YES1: variants seen among roughly 807,000 people sequenced by gnomAD.
YES1 encodes tyrosine-protein kinase Yes.
Under a neutral mutation model 70.4 loss-of-function variants are expected in YES1, and 39 were observed. The ratio of observed to expected loss-of-function variants is 0.55; its 90% CI spans 0.43 to 0.72. YES1 has a LOEUF of 0.72. YES1 is among the 30% of genes least tolerant of loss of function. The pLI, the probability that YES1 is intolerant of heterozygous loss-of-function variation, is 0.00. For missense variants in YES1, 495 were observed against 644.8 expected (o/e 0.77, Z 2.52); for synonymous variants, 198 against 218.6 (o/e 0.91, Z 0.83).
chr18:751,118 G>A (rs746805246), intron 3 of YES1, among the ~76,000 whole-genome samples: 5 of 152,170 alleles, frequency 3.3e-5, no homozygotes, highest in Non-Finnish European at 7.4e-5. Context: ...ATGGATGGAA[G>A]AAAATACGAC....
intron 1 of YES1, among the ~76,000 whole-genome samples, chr18:793,091 G>A (rs926809520): frequency 2.0e-5 from 3 of 150,434 alleles, no homozygotes; most frequent in Non-Finnish European, 4.4e-5. Context: ...CCAGGCTGGA[G>A]TGCAGTGGTG....
At chr18:812,439 G>A (rs1907461672), upstream of YES1, 1 of 151,820 alleles carries the variant, frequency 6.6e-6, no homozygotes, top group Non-Finnish European at 1.5e-5. Context: ...CCGGCTCCGG[G>A]GCCCCCAGCC....
chr18:773,091 T>C (rs7232858), intron 1 of YES1, among the ~76,000 whole-genome samples: 31,078 of 152,210 alleles, frequency 0.2, 3,323 homozygotes, highest in East Asian at 0.32. Context: ...CCTAGATTGA[T>C]CTTGCTTTAA....
At chr18:753,719 C>G (rs1052915732) in intron 2 of YES1, among the ~76,000 whole-genome samples, 4 of 152,166 alleles carry the variant, frequency 2.6e-5, no homozygotes, top group African/African-American at 7.2e-5. Context: ...CTCCTGACCT[C>G]AAGTGATCTA....
rs2079981699 is a variant in YES1, at chr18:723,341, A to T, written c.*1083T>A. 1 of 152,658 alleles carries T rather than the reference A, an allele frequency of 6.6e-6. No homozygotes were observed. The highest frequency in any genetic ancestry group is 1.5e-5 in the Non-Finnish European group (1 of 68,050). 9.5% of individuals were successfully genotyped at this position (152,658 alleles called of 1,614,324 possible). ...GCCAGCAAAGCCATTCTGTCACTCC[A>T]TGACATCAACATTAAACATTACCTT... is the stretch of plus-strand genomic sequence containing the variant. On this transcript the variant is annotated 3_prime_UTR_variant, in exon 12 of 12. Transcript: ENST00000314574.
At chr18:804,242 C>T (rs1020839020) in intron 1 of YES1, among the ~76,000 whole-genome samples, 8 of 152,148 alleles carry the variant, frequency 5.3e-5, no homozygotes, top group East Asian at 1.9e-4. Context: ...CAAATAGCCA[C>T]GATTACTTGT....
chr18:784,204 TCATTA>T (rs753664381), intron 1 of YES1, among the ~76,000 whole-genome samples: 144 of 152,346 alleles, frequency 9.5e-4, no homozygotes, highest in Non-Finnish European at 1.3e-3. Context: ...ATTATTGTTT[TCATTA>T]CAAGTTTTCT....
In YES1 at chr18:746,229, A is replaced by C. The variant is rs114633786; in HGVS notation, c.471-178T>G. Among the ~76,000 whole-genome samples, 1,125 of 152,324 alleles carry C rather than the reference A, an allele frequency of 7.4e-3. 11 individuals carry two copies. Among genetic ancestry groups the C allele is most frequent in the African/African-American group, 0.026 (1,073 of 41,556 alleles). On this transcript the variant is annotated intron_variant, in intron 4 of 11. Transcript: ENST00000314574. ...ATTAAATAGTAATATCACAAATATT[A>C]CTGTTAGAATATACTCTTACAGTAT...
intron 11 of YES1, among the ~76,000 whole-genome samples, chr18:730,941 A>G (rs1229069482): frequency 8.4e-6 from 1 of 119,580 alleles, no homozygotes; most frequent in African/African-American, 3.5e-5. Context: ...ATGATGATGA[A>G]ATCAGAGAAG....
At chr18:809,941 A>G (rs985962433) in intron 1 of YES1, among the ~76,000 whole-genome samples, 3 of 151,568 alleles carry the variant, frequency 2.0e-5, no homozygotes, top group East Asian at 1.9e-4. Context: ...CTCTTCCCAT[A>G]TATTTCCCTT....
intron 1 of YES1, among the ~76,000 whole-genome samples, chr18:807,191 G>A (rs556651275): frequency 1.1e-4 from 17 of 152,032 alleles, no homozygotes; most frequent in Non-Finnish European, 1.9e-4. Context: ...AAAATTAGCC[G>A]GGCGTGGTGG....
chr18:811,778 C>A (rs113607854), intron 1 of YES1, among the ~76,000 whole-genome samples: 2,069 of 152,272 alleles, frequency 0.014, 55 homozygotes, highest in African/African-American at 0.047. Context: ...CAAAAATAAA[C>A]CTCTCCTCCC....
At chr18:733,062 T>C (rs993772151) in intron 10 of YES1, 97 bp from the exon 11 acceptor site, 2 of 1,207,316 alleles carry the variant, frequency 1.7e-6, no homozygotes, top group Non-Finnish European at 2.4e-6. Context: ...ATATCTCTAC[T>C]GTAGTCATCA....
At chr18:765,280 ATAT>A (rs1295328785) in intron 1 of YES1, among the ~76,000 whole-genome samples, 1 of 115,806 alleles carries the variant, frequency 8.6e-6, no homozygotes, top group Non-Finnish European at 1.9e-5. Context: ...ATATATATAT[ATAT>A]ATATATATAT....
intron 8 of YES1, among the ~76,000 whole-genome samples, chr18:740,951 G>A (rs1289576252): frequency 2.0e-5 from 3 of 152,176 alleles, no homozygotes; most frequent in African/African-American, 7.2e-5. Flanking sequence ...AGGCTGGAGT[G>A]CAGCGGTGTC....
intron 1 of YES1, among the ~76,000 whole-genome samples, chr18:776,266 T>C (rs1905379044): frequency 6.6e-6 from 1 of 151,910 alleles, no homozygotes; most frequent in Non-Finnish European, 1.5e-5. Flanking sequence ...CAATCTTGGC[T>C]CACTGCAACC....
chr18:733,436 A>C (rs1397716182), intron 10 of YES1, among the ~76,000 whole-genome samples: 1 of 152,140 alleles, frequency 6.6e-6, no homozygotes, highest in Non-Finnish European at 1.5e-5. Flanking sequence ...TCAAATACTT[A>C]CTGTATATCT....
intron 2 of YES1, among the ~76,000 whole-genome samples, chr18:753,781 C>T (rs574714783): frequency 2.0e-5 from 3 of 152,254 alleles, no homozygotes; most frequent in Non-Finnish European, 2.9e-5. Flanking sequence ...CCACCCTGCC[C>T]GGCTGACATC....
chr18:751,140 C>A (rs1302980079), intron 3 of YES1, among the ~76,000 whole-genome samples: 1 of 152,100 alleles, frequency 6.6e-6, no homozygotes, highest in Non-Finnish European at 1.5e-5. Context: ...GGAAGCAGAC[C>A]ATAAATATAT....
Sources: gnomAD v4.1 joint callset for allele counts (sites outside exome capture counted in the v4.1 genomes callset) on GRCh38, gnomAD v4.1.1 for gene constraint, MANE v1.5 for transcripts, NCBI Gene and HGNC (gene_info 2026-07-23, HGNC 2026-07-21) for gene names.